EMCN: variants seen among roughly 807,000 people sequenced by gnomAD.
The protein encoded by EMCN is endomucin.
EMCN carries 37 observed loss-of-function variants against 38.4 expected under a neutral mutation model. That is an observed-to-expected ratio of 0.96 (90% CI 0.74 to 1.27). EMCN has a LOEUF of 1.27. Among genes scored for constraint, EMCN ranks in the 50% most tolerant of loss-of-function variants. EMCN has a pLI of 0.00. For missense variants in EMCN, 318 were observed against 302.8 expected (o/e 1.05, Z -0.37); for synonymous variants, 95 against 100.8 (o/e 0.94, Z 0.35).
chr4:100,479,515 TC>T (rs1728750608), intron 2 of EMCN, among the ~76,000 whole-genome samples: 1 of 152,140 alleles, frequency 6.6e-6, no homozygotes, highest in South Asian at 2.1e-4. Context: ...AAATCTATTA[TC>T]AACAGAATGC....
At chr4:100,411,252 T>C (rs1455855533) in intron 10 of EMCN, among the ~76,000 whole-genome samples, 1 of 152,196 alleles carries the variant, frequency 6.6e-6, no homozygotes, top group Non-Finnish European at 1.5e-5. Flanking sequence ...TGAGAAATGT[T>C]GGGCATAGTT....
At chr4:100,474,920 G>A in intron 3 of EMCN, 118 bp downstream of exon 3, 1 of 415,258 alleles carries the variant, frequency 2.4e-6, no homozygotes, top group Non-Finnish European at 4.3e-6. Context: ...AGTGGTGGTG[G>A]CTGTAAAATC....
intron 2 of EMCN, among the ~76,000 whole-genome samples, 158 bp downstream of exon 2, chr4:100,479,759 G>A (rs1388740814): frequency 6.6e-6 from 1 of 151,830 alleles, no homozygotes; most frequent in Admixed American, 6.6e-5. Context: ...GTTTTGTATG[G>A]AACCCCAAAT....
intron 5 of EMCN, among the ~76,000 whole-genome samples, chr4:100,436,218 T>C (rs751196743): frequency 6.6e-5 from 10 of 151,604 alleles, no homozygotes; most frequent in Non-Finnish European, 1.0e-4. Flanking sequence ...CAGGAACAGA[T>C]GCTTCTCAAA....
chr4:100,479,633 C>A (rs577242887), intron 2 of EMCN, among the ~76,000 whole-genome samples: 14 of 152,078 alleles, frequency 9.2e-5, no homozygotes, highest in African/African-American at 3.4e-4. Context: ...TAGGACATGG[C>A]AATTTCTTTC....
intron 3 of EMCN, among the ~76,000 whole-genome samples, chr4:100,473,379 TTTTTTTG>T (rs1257972218): frequency 2.5e-4 from 31 of 123,298 alleles, no homozygotes; most frequent in South Asian, 1.4e-3. Context: ...TTTTGTTTTT[TTTTTTTG>T]TTTTTTTTTT....
intron 10 of EMCN, among the ~76,000 whole-genome samples, chr4:100,414,410 G>A (rs1435035555): frequency 2.2e-5 from 3 of 138,298 alleles, no homozygotes; most frequent in Non-Finnish European, 4.5e-5. Flanking sequence ...AATAGGCCTG[G>A]CTACTTAGTA....
chr4:100,456,462 A>G (rs1186472237), intron 4 of EMCN, among the ~76,000 whole-genome samples: 1 of 152,148 alleles, frequency 6.6e-6, no homozygotes, highest in Non-Finnish European at 1.5e-5. Flanking sequence ...TATGCATTTT[A>G]GAGCTATAAA....
chr4:100,423,550 A>G, intron 5 of EMCN, 146 bp from the exon 6 acceptor site: 1 of 624,972 alleles, frequency 1.6e-6, no homozygotes, highest in Non-Finnish European at 2.9e-6. Context: ...TCATAACACT[A>G]AACCATAAGT....
In EMCN at chr4:100,461,858, G is replaced by A. The variant is rs563486006; in HGVS notation, c.376+3565C>T. Among the ~76,000 whole-genome samples, 9 of 152,304 alleles carry A rather than the reference G, an allele frequency of 5.9e-5. 1 individual carries two copies. The highest frequency in any genetic ancestry group is 2.2e-4 in the African/African-American group (9 of 41,568). On this transcript the variant is annotated intron_variant, in intron 4 of 11. Transcript: ENST00000296420. ...CCATTGCCCAGATGTTTAAGAGGGAGCTGAATCTTCAGCTGTTCAACATTT... is the reference window on the plus strand; with the variant it reads ...CCATTGCCCAGATGTTTAAGAGGGAACTGAATCTTCAGCTGTTCAACATTT...
chr4:100,516,068 A>T (rs1324055832), intron 1 of EMCN, among the ~76,000 whole-genome samples: 3 of 152,012 alleles, frequency 2.0e-5, no homozygotes, highest in Admixed American at 2.0e-4. Flanking sequence ...CTTGAAGGAG[A>T]TAGTTATTAT....
At chr4:100,494,787 C>CT (rs143538440) in intron 1 of EMCN, among the ~76,000 whole-genome samples, 2,975 of 147,470 alleles carry the variant, frequency 0.02, 81 homozygotes, top group African/African-American at 0.069. Flanking sequence ...ACTTGTTATA[C>CT]TTTTTTTTTT....
chr4:100,419,097 G>A (rs2043350), intron 8 of EMCN, among the ~76,000 whole-genome samples: 1,581 of 151,858 alleles, frequency 0.01, 9 homozygotes, highest in Non-Finnish European at 0.018. Flanking sequence ...TTTTCCCTAG[G>A]AAACTATAGC....
chr4:100,411,013 ATCAG>A (rs905990311), intron 10 of EMCN, among the ~76,000 whole-genome samples: 55 of 152,218 alleles, frequency 3.6e-4, no homozygotes, highest in African/African-American at 1.3e-3. Flanking sequence ...GAGTATCAAC[ATCAG>A]TCAAACAATA....
chr4:100,490,407 A>T lies in EMCN; in HGVS notation c.65-10368T>A, dbSNP rs750794670. ...TTTTTTATAAACTTGGTATAGCCCA[A>T]GTATACAGTGTTTATACAGTCTATA... On this transcript the variant is annotated intron_variant, in intron 1 of 11. Coordinates refer to ENST00000296420, the MANE Select transcript of EMCN (RefSeq NM_016242.4). Among the ~76,000 whole-genome samples the T allele has an allele frequency of 2.0e-5, 3 of 152,158 alleles. No individual in the cohort carries two copies. The East Asian group carries it at 5.8e-4, about 29-fold the overall frequency.
intron 8 of EMCN, among the ~76,000 whole-genome samples, chr4:100,420,088 A>C (rs1449921042): frequency 6.6e-6 from 1 of 152,112 alleles, no homozygotes; most frequent in Non-Finnish European, 1.5e-5. Flanking sequence ...GGGGAAGAAG[A>C]ATTCTATTTA....
At position 100,395,663 on chromosome 4, in the gene EMCN, G is replaced by A. The variant is rs751148435; in HGVS notation, c.*2750C>T. On this transcript the variant is annotated 3_prime_UTR_variant, in exon 12 of 12. Coordinates refer to ENST00000296420, the MANE Select transcript of EMCN (RefSeq NM_016242.4). The stretch of plus-strand genomic sequence containing the variant: ...AATAATCAGGCAAAAAATCAGGAAT[G>A]TTCATCATCGAAGGTTTGACTATGT... The A allele has an allele frequency of 1.3e-5, 2 of 152,122 alleles. No homozygotes were observed. Among genetic ancestry groups the A allele is most frequent in the Non-Finnish European group, 2.9e-5 (2 of 68,020 alleles). 9.4% of individuals were successfully genotyped at this position (152,122 alleles called of 1,614,324 possible). A position where few individuals can be genotyped will look rare whatever the true frequency, so the allele number is the denominator to read the frequency against.
At chr4:100,442,908 G>C (rs1430742593) in intron 5 of EMCN, among the ~76,000 whole-genome samples, 2 of 152,112 alleles carry the variant, frequency 1.3e-5, no homozygotes, top group Non-Finnish European at 2.9e-5. Context: ...AGAGTGCAGT[G>C]GTGCAATCTT....
intron 1 of EMCN, among the ~76,000 whole-genome samples, chr4:100,489,480 T>G (rs1221945026): frequency 6.6e-6 from 1 of 152,162 alleles, no homozygotes; most frequent in Non-Finnish European, 1.5e-5. Context: ...AGACCACATA[T>G]GCAAGAGCAA....
Sources: allele counts gnomAD v4.1 joint callset (sites outside exome capture counted in the v4.1 genomes callset), GRCh38; gene constraint gnomAD v4.1.1; transcripts MANE v1.5; gene names NCBI Gene and HGNC (gene_info 2026-07-23, HGNC 2026-07-21).